INPP5F: variants seen among roughly 807,000 people sequenced by gnomAD.
INPP5F encodes the protein phosphatidylinositide 4-phosphatase SAC2.
In INPP5F, 97 loss-of-function variants were observed where a neutral mutation model predicts 137.2. The ratio of observed to expected loss-of-function variants is 0.71; its 90% CI spans 0.60 to 0.84. INPP5F has a LOEUF of 0.84. INPP5F is among the 40% of genes least tolerant of loss of function. The pLI, the probability that INPP5F is intolerant of heterozygous loss-of-function variation, is 0.00. For synonymous variants in INPP5F, 504 were observed against 476.9 expected (o/e 1.06, Z -0.74); for missense variants, 1,271 against 1,371.9 (o/e 0.93, Z 1.16).
At chr10:119,818,006 T>C (rs1315504862) in intron 15 of INPP5F, among the ~76,000 whole-genome samples, 1 of 152,226 alleles carries the variant, frequency 6.6e-6, no homozygotes, top group East Asian at 1.9e-4. Context: ...AGCAGGGAAG[T>C]AGGCCTGGCT....
At chr10:119,742,147 T>C (rs1489268236) in intron 1 of INPP5F, among the ~76,000 whole-genome samples, 1 of 36,730 alleles carries the variant, frequency 2.7e-5, no homozygotes, top group Non-Finnish European at 5.6e-5. Context: ...TTATTTGTTA[T>C]TTTACTTATT....
chr10:119,733,708 A>G (rs1160001499), intron 1 of INPP5F, among the ~76,000 whole-genome samples: 5 of 152,116 alleles, frequency 3.3e-5, no homozygotes, highest in African/African-American at 9.7e-5. Context: ...TTTGGAGGAG[A>G]GGTAGTATCA....
chr10:119,773,411 A>T (rs568624728), intron 2 of INPP5F, among the ~76,000 whole-genome samples: 1 of 152,128 alleles, frequency 6.6e-6, no homozygotes, highest in African/African-American at 2.4e-5. Flanking sequence ...ACATGAGTAT[A>T]TTGCATGATG....
chr10:119,764,990 T>G (rs1036088880), intron 2 of INPP5F, among the ~76,000 whole-genome samples: 1 of 152,158 alleles, frequency 6.6e-6, no homozygotes, highest in Admixed American at 6.5e-5. Context: ...TGGAGTGCAG[T>G]GGCACGATCT....
chr10:119,726,453 C>T (rs1300856684), intron 1 of INPP5F, 94 bp downstream of exon 1: 2 of 639,904 alleles, frequency 3.1e-6, no homozygotes, highest in Admixed American at 9.7e-5. Context: ...GAGGAGCCGC[C>T]TGCGGGCCTG....
At chr10:119,790,866 G>T (rs369445338) in intron 3 of INPP5F, among the ~76,000 whole-genome samples, 1 of 152,162 alleles carries the variant, frequency 6.6e-6, no homozygotes, top group Non-Finnish European at 1.5e-5. Flanking sequence ...TAACATAGCC[G>T]TATTCACGCT....
chr10:119,727,604 A>G (rs750161236), intron 1 of INPP5F, among the ~76,000 whole-genome samples: 6 of 152,230 alleles, frequency 3.9e-5, no homozygotes, highest in African/African-American at 7.2e-5. Context: ...AGGAAGGCCT[A>G]CTAGTTGCTT....
At chr10:119,771,288 CTTCA>C (rs1290658359) in intron 2 of INPP5F, among the ~76,000 whole-genome samples, 3 of 152,272 alleles carry the variant, frequency 2.0e-5, no homozygotes, top group African/African-American at 7.2e-5. Flanking sequence ...TGTATCAGCA[CTTCA>C]TTCCTTTATA....
At chr10:119,737,794 T>C (rs925967113) in intron 1 of INPP5F, among the ~76,000 whole-genome samples, 1 of 152,242 alleles carries the variant, frequency 6.6e-6, no homozygotes, top group Non-Finnish European at 1.5e-5. Flanking sequence ...CTTTTCCTTA[T>C]CTGTTTGATT....
At chr10:119,768,464 C>T (rs555231107) in intron 2 of INPP5F, 5 of 152,296 alleles carry the variant, frequency 3.3e-5, no homozygotes, top group East Asian at 1.9e-4. Flanking sequence ...AGAACTCCCA[C>T]GCTGTGATCA....
chr10:119,768,110 T>C (rs1849229350), intron 2 of INPP5F: 2 of 152,258 alleles, frequency 1.3e-5, no homozygotes, highest in African/African-American at 2.4e-5. Flanking sequence ...CTGTGGCGTT[T>C]TGAGCATAAT....
intron 2 of INPP5F, among the ~76,000 whole-genome samples, chr10:119,775,331 C>A (rs549799003): frequency 6.6e-6 from 1 of 152,126 alleles, no homozygotes; most frequent in Non-Finnish European, 1.5e-5. Flanking sequence ...GATCATGGCT[C>A]ACTGCAGCCT....
intron 15 of INPP5F, among the ~76,000 whole-genome samples, chr10:119,813,113 TTATTTC>T (rs1301130256): frequency 6.6e-6 from 1 of 152,202 alleles, no homozygotes; most frequent in Non-Finnish European, 1.5e-5. Context: ...ACCAAAAGGT[TTATTTC>T]TAGTGTTGGC....
intron 2 of INPP5F, among the ~76,000 whole-genome samples, chr10:119,763,570 A>G (rs1418654797): frequency 6.6e-6 from 1 of 152,010 alleles, no homozygotes; most frequent in Non-Finnish European, 1.5e-5. Context: ...ATTCCCTTTC[A>G]TCTCACACTG....
intron 15 of INPP5F, among the ~76,000 whole-genome samples, chr10:119,820,462 A>G (rs1851511257): frequency 6.6e-6 from 1 of 152,216 alleles, no homozygotes; most frequent in African/African-American, 2.4e-5. Flanking sequence ...AAGATTAGAT[A>G]ATGTGAGATA....
In INPP5F at chr10:119,776,838, A is replaced by G. The variant is rs1481158534; in HGVS notation, c.179-4797A>G. The stretch of plus-strand genomic sequence containing the variant: ...CAGTCATAGCTCACTGCAGCCTTGA[A>G]CTCCTGGGCTCAAATGATCCTCCCA... On this transcript the variant is annotated intron_variant, in intron 2 of 19. Coordinates refer to ENST00000650623, the MANE Select transcript of INPP5F (RefSeq NM_014937.4). Among the ~76,000 whole-genome samples, 3 of 151,808 alleles carry G rather than the reference A, an allele frequency of 2.0e-5. No individual in the cohort carries two copies. In the East Asian group the frequency reaches 5.8e-4, roughly 29 times the overall value.
At chr10:119,812,078 C>T (rs781051096) in intron 15 of INPP5F, 123 bp downstream of exon 15, 21 of 733,268 alleles carry the variant, frequency 2.9e-5, no homozygotes, top group Non-Finnish European at 4.6e-5. Flanking sequence ...ACTATTTCCT[C>T]TATGAGCTGG....
At chr10:119,795,697 A>C (rs897467419) in intron 6 of INPP5F, among the ~76,000 whole-genome samples, 36 of 152,208 alleles carry the variant, frequency 2.4e-4, no homozygotes, top group African/African-American at 8.2e-4. Flanking sequence ...AGAGGCTGCA[A>C]TCTCGGCACT....
At chr10:119,798,962 C>G (rs755420195) in intron 9 of INPP5F, among the ~76,000 whole-genome samples, 1 of 151,808 alleles carries the variant, frequency 6.6e-6, no homozygotes, top group Non-Finnish European at 1.5e-5. Context: ...GTTTGGATAG[C>G]GTGAAGAGGT....
Sources: gnomAD v4.1 joint callset for allele counts (sites outside exome capture counted in the v4.1 genomes callset) on GRCh38, gnomAD v4.1.1 for gene constraint, MANE v1.5 for transcripts, NCBI Gene and HGNC (gene_info 2026-07-23, HGNC 2026-07-21) for gene names.